The following CRPPA variants were observed in gnomAD, a reference collection of about 807,000 sequenced individuals.
CRPPA encodes the protein CDP-L-ribitol pyrophosphorylase A, also known as D-ribitol-5-phosphate cytidylyltransferase.
Under a neutral mutation model 52.0 loss-of-function variants are expected in CRPPA, and 43 were observed. That is an observed-to-expected ratio of 0.83 (90% CI 0.65 to 1.07). The LOEUF (loss-of-function observed/expected upper bound fraction) is 1.07. Among genes scored for constraint, CRPPA ranks in the 50% least tolerant of loss-of-function variants. The probability of loss-of-function intolerance (pLI) is 0.00; values close to 1 mark genes in which losing one functional copy is unlikely to be tolerated. For missense variants in CRPPA, 629 were observed against 551.7 expected (o/e 1.14, Z -1.40); for synonymous variants, 250 against 203.5 (o/e 1.23, Z -1.94).
chr7:16,180,144 A>C (rs919402144), intron 9 of CRPPA, among the ~76,000 whole-genome samples: 1 of 152,064 alleles, frequency 6.6e-6, no homozygotes, highest in African/African-American at 2.4e-5. Flanking sequence ...CCTCAACCCA[A>C]GTTGCATGTT....
chr7:16,240,043 C>T (rs1426125751), intron 8 of CRPPA, among the ~76,000 whole-genome samples: 2 of 151,878 alleles, frequency 1.3e-5, no homozygotes, highest in African/African-American at 2.4e-5. Flanking sequence ...CACAACTAAT[C>T]TCAGGGAGTA....
At chr7:16,166,839 C>T (rs1371571932) in intron 9 of CRPPA, among the ~76,000 whole-genome samples, 3 of 152,120 alleles carry the variant, frequency 2.0e-5, no homozygotes, top group African/African-American at 7.2e-5. Context: ...CATGCCAATG[C>T]CCTTCTTCTT....
At chr7:16,378,506 A>G (rs1036335262) in intron 2 of CRPPA, among the ~76,000 whole-genome samples, 7 of 151,804 alleles carry the variant, frequency 4.6e-5, no homozygotes, top group African/African-American at 1.7e-4. Flanking sequence ...AATCCAGTCT[A>G]TCATTGTTGG....
At chr7:16,115,876 T>TAGAA (rs1428951925) in intron 9 of CRPPA, among the ~76,000 whole-genome samples, 1 of 151,902 alleles carries the variant, frequency 6.6e-6, no homozygotes, top group Non-Finnish European at 1.5e-5. Context: ...ATTAGATAGA[T>TAGAA]AGAAAGGGAA....
At chr7:16,240,558 T>C (rs528811971) in intron 8 of CRPPA, among the ~76,000 whole-genome samples, 171 of 139,866 alleles carry the variant, frequency 1.2e-3, no homozygotes, top group Non-Finnish European at 1.6e-3. Context: ...AAGTCAATCA[T>C]TGGTTATTAC....
intron 9 of CRPPA, among the ~76,000 whole-genome samples, chr7:16,138,382 C>G (rs1266169408): frequency 6.6e-6 from 1 of 152,002 alleles, no homozygotes; most frequent in Non-Finnish European, 1.5e-5. Flanking sequence ...TTTAGTATGG[C>G]CTGTGAAATG....
chr7:16,189,773 T>C (rs1781571324), intron 9 of CRPPA, among the ~76,000 whole-genome samples: 1 of 152,184 alleles, frequency 6.6e-6, no homozygotes, highest in South Asian at 2.1e-4. Context: ...ATAGTTCTTC[T>C]GAGTGGGAAA....
intron 8 of CRPPA, among the ~76,000 whole-genome samples, chr7:16,250,240 A>G (rs1171403096): frequency 6.6e-6 from 1 of 152,248 alleles, no homozygotes; most frequent in African/African-American, 2.4e-5. Flanking sequence ...GACCAAATCT[A>G]TGTTTGATTG....
intron 3 of CRPPA, among the ~76,000 whole-genome samples, chr7:16,351,961 T>A (rs1786166075): frequency 6.6e-6 from 1 of 152,098 alleles, no homozygotes; most frequent in Non-Finnish European, 1.5e-5. Context: ...GACACATGCA[T>A]ACGTATGTTT....
At chr7:16,346,953 A>C (rs1197609904) in intron 3 of CRPPA, among the ~76,000 whole-genome samples, 1 of 152,088 alleles carries the variant, frequency 6.6e-6, no homozygotes, top group Non-Finnish European at 1.5e-5. Context: ...CCACCCAGTC[A>C]ACTCCACCCT....
rs1788326832 is a variant in CRPPA at position 16,421,158 on chromosome 7, C to T, written c.165G>A (p.Gly55=). The T allele has an allele frequency of 7.5e-7, 1 of 1,334,316 alleles. No homozygotes were observed. The highest frequency in any genetic ancestry group is 1.5e-5 in the African/African-American group (1 of 65,290). The allele number at this position is 1,334,316 out of a possible 1,614,324, so 82.7% of individuals were successfully genotyped here. ...TGGGGACCCCCATCCTCTCCCCGCA[C>T]CCCCCGGCAGGCAACACAGCTGCCA... The part of the protein sequence containing the change: ...QAVAAVLPAG[G]CGERMGVPTP... Residue 55 remains glycine, a synonymous_variant, in exon 1 of 10, where the codon GGG becomes GGA. Coordinates refer to ENST00000407010, the MANE Select transcript of CRPPA (RefSeq NM_001101426.4).
At chr7:16,125,339 G>T (rs1747049489) in intron 9 of CRPPA, among the ~76,000 whole-genome samples, 1 of 148,206 alleles carries the variant, frequency 6.7e-6, no homozygotes, top group Non-Finnish European at 1.5e-5. Context: ...AATATAATAA[G>T]TTCTCAATTT....
intron 9 of CRPPA, among the ~76,000 whole-genome samples, chr7:16,190,198 T>C (rs865819383): frequency 6.6e-6 from 1 of 152,324 alleles, no homozygotes; most frequent in South Asian, 2.1e-4. Flanking sequence ...CATGTGCCTA[T>C]ACCTGCACAA....
At chr7:16,287,748 C>G (rs529197813) in intron 5 of CRPPA, among the ~76,000 whole-genome samples, 1 of 152,118 alleles carries the variant, frequency 6.6e-6, no homozygotes, top group South Asian at 2.1e-4. Flanking sequence ...ATGGCAAAAC[C>G]CTGTCTCTAC....
Position 16,227,452 on chromosome 7 carries a change from A to C in CRPPA, c.1120-11255T>G, listed in dbSNP as rs558268852. On this transcript the variant is annotated intron_variant, in intron 8 of 9. Coordinates refer to ENST00000407010, the MANE Select transcript of CRPPA (RefSeq NM_001101426.4). ...TCTAATAGGCATGAGGTGATATCTC[A>C]TTGTGGTTGTGATTTACACTTCCCT... 7.9e-5 allele frequency among the ~76,000 whole-genome samples: 12 copies of C among 151,932 alleles called. No individual in the cohort carries two copies. The South Asian group carries it at 2.3e-3, about 29-fold the overall frequency.
At chr7:16,286,851 G>A (rs1297736691) in intron 5 of CRPPA, among the ~76,000 whole-genome samples, 3 of 152,016 alleles carry the variant, frequency 2.0e-5, no homozygotes, top group Non-Finnish European at 4.4e-5. Flanking sequence ...GTATTCCTGA[G>A]GAAAGGCTTT....
intron 9 of CRPPA, among the ~76,000 whole-genome samples, chr7:16,103,683 A>G (rs890214406): frequency 1.3e-5 from 2 of 152,154 alleles, no homozygotes; most frequent in Non-Finnish European, 2.9e-5. Context: ...GGATAAGGGC[A>G]GACAATGAGG....
At chr7:16,234,132 G>C (rs1469176038) in intron 8 of CRPPA, among the ~76,000 whole-genome samples, 1 of 152,040 alleles carries the variant, frequency 6.6e-6, no homozygotes, top group African/African-American at 2.4e-5. Context: ...AACTAAAACA[G>C]CAATTTAGTG....
intron 3 of CRPPA, among the ~76,000 whole-genome samples, chr7:16,365,627 T>C (rs1435247581): frequency 1.3e-5 from 2 of 152,030 alleles, no homozygotes; most frequent in African/African-American, 4.8e-5. Context: ...TTTATAAAGA[T>C]GAAAAAGGCA....
Sources: gnomAD v4.1 joint callset for allele counts (sites outside exome capture counted in the v4.1 genomes callset) on GRCh38, gnomAD v4.1.1 for gene constraint, MANE v1.5 for transcripts, NCBI Gene and HGNC (gene_info 2026-07-23, HGNC 2026-07-21) for gene names.